TFRC: variants seen among roughly 807,000 people sequenced by gnomAD.
TFRC encodes transferrin receptor protein 1.
In TFRC, 35 loss-of-function variants were observed where a neutral mutation model predicts 85.8. The observed-to-expected ratio is 0.41, with a 90% CI of 0.31 to 0.54. TFRC has a LOEUF of 0.54. Ranked by LOEUF, TFRC falls within the 20% of genes least tolerant of loss-of-function variation. The pLI is 0.31. For synonymous variants in TFRC, 362 were observed against 328.6 expected (o/e 1.10, Z -1.10); for missense variants, 828 against 921.5 (o/e 0.90, Z 1.31).
At chr3:196,069,681 T>C (rs548757296) in intron 6 of TFRC, 113 bp from the exon 7 acceptor site, 1 of 597,546 alleles carries the variant, frequency 1.7e-6, no homozygotes, top group East Asian at 3.0e-5. Flanking sequence ...AAGTAAGAGA[T>C]AAAAGGAGGC....
At chr3:196,057,218 T>TGAG in intron 16 of TFRC, among the ~76,000 whole-genome samples, 1 of 152,312 alleles carries the variant, frequency 6.6e-6, no homozygotes, top group East Asian at 1.9e-4. Flanking sequence ...TGGTTAAAGA[T>TGAG]CGAGCCCTGA....
At chr3:196,069,633 A>G in intron 6 of TFRC, 65 bp from the exon 7 acceptor site, 1 of 1,056,544 alleles carries the variant, frequency 9.5e-7, no homozygotes, top group South Asian at 1.4e-5. Flanking sequence ...ATCTTGAGAC[A>G]GAAGAGTGTT....
chr3:196,051,933 G>T lies in TFRC; in HGVS notation c.*9C>A. On this transcript the variant is annotated 3_prime_UTR_variant, in exon 19 of 19. Transcript: ENST00000360110. ...CCTGCTGTTCTCATGGAAGCTATGG[G>T]TATCACATTTAAAACTCATTGTCAA... The T allele has an allele frequency of 6.2e-7, 1 of 1,613,448 alleles. No individual in the cohort carries two copies. Among genetic ancestry groups the T allele is most frequent in the Non-Finnish European group, 8.5e-7 (1 of 1,179,542 alleles).
intron 2 of TFRC, among the ~76,000 whole-genome samples, chr3:196,076,755 C>T (rs1026067223): frequency 1.3e-5 from 2 of 151,928 alleles, no homozygotes; most frequent in African/African-American, 2.4e-5. Context: ...CACAGCGCCC[C>T]GCAAGCCTTT....
At chr3:196,080,585 G>A (rs1264383757) in intron 1 of TFRC, among the ~76,000 whole-genome samples, 3 of 152,242 alleles carry the variant, frequency 2.0e-5, no homozygotes, top group South Asian at 2.1e-4. Flanking sequence ...GTTTAGCTGG[G>A]AATCTTGCTC....
intron 10 of TFRC, 93 bp downstream of exon 10, chr3:196,065,350 T>C: frequency 1.4e-6 from 1 of 721,312 alleles, no homozygotes; most frequent in Non-Finnish European, 2.1e-6. Flanking sequence ...CAAGCCAGCA[T>C]TCCTACACTC....
At chr3:196,060,486 G>A (rs1280969836) in intron 13 of TFRC, 11 of 457,694 alleles carry the variant, frequency 2.4e-5, no homozygotes, top group Middle Eastern at 6.0e-4. Context: ...TTTAATCCAA[G>A]TCACCTTTTT....
Position 196,075,162 on chromosome 3 carries a change from T to C in TFRC, c.235A>G (p.Ile79Val), listed in dbSNP as rs778050850. The change falls in exon 3 of 19, where the codon ATT becomes GTT. Residue 79 changes from isoleucine to valine, a missense_variant. Ile to Val is a conservative substitution (Grantham distance 29). Transcript: ENST00000360110. ...AGTTTGGAATGGTCATTCTCACCAATCAAGAAAAAGACGATCACAGCAATA... is the reference window on the plus strand; with the variant it reads ...AGTTTGGAATGGTCATTCTCACCAACCAAGAAAAAGACGATCACAGCAATA... ...GTIAVIVFFL[I>V]GFMIGYLGYC... 1 of 1,593,338 alleles carries C rather than the reference T, an allele frequency of 6.3e-7. No individual in the cohort carries two copies.
Position 196,051,885 on chromosome 3 carries a change from C to T in TFRC, c.*57G>A. 6.3e-7 allele frequency: 1 copy of T among 1,578,216 alleles called. No individual in the cohort carries two copies. The highest frequency in any genetic ancestry group is 1.2e-5 in the South Asian group (1 of 85,696). On this transcript the variant is annotated 3_prime_UTR_variant, in exon 19 of 19. Transcript: ENST00000360110. ...CCTACTGAAAATTTAGCACGATCAG[C>T]ACAAGTCTAGAAACCAGACTACCCT... is the stretch of plus-strand genomic sequence containing the variant.
At chr3:196,068,927 C>CAAA (rs55642820) in intron 7 of TFRC, among the ~76,000 whole-genome samples, 8 of 85,242 alleles carry the variant, frequency 9.4e-5, no homozygotes, top group African/African-American at 2.4e-4. Flanking sequence ...GACTCCGTCT[C>CAAA]AAAAAAAAAA....
chr3:196,068,368 C>T (rs939042196), intron 7 of TFRC, among the ~76,000 whole-genome samples: 5 of 148,710 alleles, frequency 3.4e-5, no homozygotes, highest in Non-Finnish European at 6.0e-5. Context: ...ATCCCAACAC[C>T]TTGCAAGGCT....
At chr3:196,055,605 C>G (rs1716712902) in intron 16 of TFRC, 2 of 407,436 alleles carry the variant, frequency 4.9e-6, no homozygotes, top group Non-Finnish European at 4.5e-6. Flanking sequence ...ATGTTTTTCT[C>G]TCTGGGAAGT....
Position 196,051,664 on chromosome 3 carries a change from C to G in TFRC, c.*278G>C, listed in dbSNP as rs1284475585. 2.5e-6 allele frequency: 1 copy of G among 397,210 alleles called. No individual in the cohort carries two copies. The highest frequency in any genetic ancestry group is 2.0e-5 in the African/African-American group (1 of 49,136). 24.6% of individuals were successfully genotyped at this position (397,210 alleles called of 1,614,324 possible). ...TTTCTGACATTTTCATTAACAACAACAGGAAAGAGGCAGTTCCCATTACAA... is the reference window on the plus strand; with the variant it reads ...TTTCTGACATTTTCATTAACAACAAGAGGAAAGAGGCAGTTCCCATTACAA... On this transcript the variant is annotated 3_prime_UTR_variant, in exon 19 of 19. Coordinates refer to ENST00000360110, the MANE Select transcript of TFRC (RefSeq NM_001128148.3).
At chr3:196,080,996 C>T (rs764186243) in intron 1 of TFRC, among the ~76,000 whole-genome samples, 2 of 152,154 alleles carry the variant, frequency 1.3e-5, no homozygotes, top group African/African-American at 2.4e-5. Context: ...CTGCAGAATC[C>T]AGTCCCCCGG....
In TFRC at chr3:196,060,825, A is replaced by AAAAAAT. The variant is rs1310502711; in HGVS notation, c.1469-579_1469-578insATTTTT. 1.7e-3 allele frequency among the ~76,000 whole-genome samples: 242 copies of AAAAAAT among 141,092 alleles called. 2 individuals carry two copies. Among genetic ancestry groups the AAAAAAT allele is most frequent in the Non-Finnish European group, 3.0e-3 (191 of 63,626 alleles). 92.6% of individuals were successfully genotyped at this position (141,092 alleles called of 152,430 possible). On this transcript the variant is annotated intron_variant, in intron 13 of 18. Transcript: ENST00000360110. ...AAAAAAAAAAAAAAAAAAAAAAAAA[A>AAAAAAT]ATCAGACCAGTTTTAGGTTCAGCAG...
At chr3:196,080,901 A>G (rs1719116263) in intron 1 of TFRC, among the ~76,000 whole-genome samples, 2 of 152,194 alleles carry the variant, frequency 1.3e-5, no homozygotes, top group African/African-American at 4.8e-5. Context: ...TAATTTTCAC[A>G]GTAAGCTTAG....
chr3:196,060,274 C>T (rs751480023), intron 13 of TFRC, 27 bp from the exon 14 acceptor site: 3 of 1,598,052 alleles, frequency 1.9e-6, no homozygotes, highest in Admixed American at 1.7e-5. Context: ...TTATCATTGC[C>T]CCTTCTCCAT....
chr3:196,071,698 C>G (rs903989789), intron 5 of TFRC, among the ~76,000 whole-genome samples, 200 bp from the exon 6 acceptor site: 1 of 152,212 alleles, frequency 6.6e-6, no homozygotes, highest in African/African-American at 2.4e-5. Flanking sequence ...CCCAGGCGGG[C>G]TGATCACCTG....
Position 196,068,610 on chromosome 3 carries a change from C to CAAA in TFRC, c.802-483_802-481dup, listed in dbSNP as rs55807772. ...TGGACAAAAGAGCAAAACTCCCTCT[C>CAAA]AAAAAAAAAAAAAAAAAAAAAAAAA... On this transcript the variant is annotated intron_variant, in intron 7 of 18. Transcript: ENST00000360110. 9.0e-3 allele frequency among the ~76,000 whole-genome samples: 377 copies of CAAA among 41,834 alleles called. 5 individuals carry two copies. The highest frequency in any genetic ancestry group is 0.015 in the African/African-American group (135 of 8,978). The allele number at this position is 41,834 out of a possible 152,430, so 27.4% of individuals were successfully genotyped here. A position where few individuals can be genotyped will look rare whatever the true frequency, so the allele number is the denominator to read the frequency against.
Sources: allele counts gnomAD v4.1 joint callset (sites outside exome capture counted in the v4.1 genomes callset), GRCh38; gene constraint gnomAD v4.1.1; transcripts MANE v1.5; gene names NCBI Gene and HGNC (gene_info 2026-07-23, HGNC 2026-07-21).